The following ATP13A4 variants were observed in gnomAD, a reference collection of about 807,000 sequenced individuals.
ATP13A4 encodes the protein ATPase 13A4.
ATP13A4 carries 114 observed loss-of-function variants against 142.5 expected under a neutral mutation model. The observed-to-expected ratio is 0.80, with a 90% CI of 0.69 to 0.93. The LOEUF is 0.93. Among genes scored for constraint, ATP13A4 ranks in the 40% least tolerant of loss-of-function variants. ATP13A4 has a pLI of 0.00. For missense variants in ATP13A4, 1,392 were observed against 1,454.0 expected, an observed-to-expected ratio of 0.96 and a Z score of 0.69; for synonymous variants, 488 against 514.8, an observed-to-expected ratio of 0.95 and a Z score of 0.70.
At chr3:193,457,554 C>A in intron 14 of ATP13A4, 89 bp from the exon 15 acceptor site, 1 of 1,151,746 alleles carries the variant, frequency 8.7e-7, no homozygotes, top group South Asian at 1.2e-5. Flanking sequence ...TGAGAAGATC[C>A]TCAGACCACC....
chr3:193,495,983 AT>A (rs780854047), intron 3 of ATP13A4, among the ~76,000 whole-genome samples: 6 of 152,224 alleles, frequency 3.9e-5, no homozygotes, highest in Non-Finnish European at 8.8e-5. Flanking sequence ...CTACAAAAAA[AT>A]AATAAAATAC....
chr3:193,540,527 CAAAAAAAAAAAAAAAAA>C (rs11360543), intron 1 of ATP13A4, among the ~76,000 whole-genome samples: 2 of 44,782 alleles, frequency 4.5e-5, no homozygotes, highest in South Asian at 1.4e-3. Flanking sequence ...GGCTCTCTGC[CAAAAAAAAAAAAAAAAA>C]AAAAAAAAAA....
intron 2 of ATP13A4, among the ~76,000 whole-genome samples, chr3:193,561,115 A>G (rs1724008279): frequency 6.6e-6 from 1 of 152,248 alleles, no homozygotes; most frequent in South Asian, 2.1e-4. Context: ...ACTTAGGAAC[A>G]GTAGTACCCA....
At chr3:193,429,621 G>T (rs983487961) in intron 25 of ATP13A4, among the ~76,000 whole-genome samples, 2 of 151,996 alleles carry the variant, frequency 1.3e-5, no homozygotes, top group African/African-American at 4.8e-5. Context: ...GGGTTGGAGG[G>T]AGAAAGGATG....
chr3:193,565,521 C>T (rs1460881062), intron 2 of ATP13A4, among the ~76,000 whole-genome samples: 2 of 152,170 alleles, frequency 1.3e-5, no homozygotes, highest in Non-Finnish European at 2.9e-5. Context: ...CACAATCAAC[C>T]TCTGGCAACC....
intron 9 of ATP13A4, among the ~76,000 whole-genome samples, chr3:193,468,454 G>C (rs1188398815): frequency 6.6e-6 from 1 of 152,078 alleles, no homozygotes; most frequent in Non-Finnish European, 1.5e-5. Flanking sequence ...CTGCATTCAG[G>C]AAACAAGGAA....
intron 2 of ATP13A4, among the ~76,000 whole-genome samples, chr3:193,510,295 T>C (rs924844803): frequency 2.0e-5 from 3 of 152,176 alleles, no homozygotes; most frequent in African/African-American, 7.2e-5. Context: ...CATCTTTAAT[T>C]GAAACTGAAG....
chr3:193,569,336 G>C (rs1724208512), intron 2 of ATP13A4, among the ~76,000 whole-genome samples: 1 of 152,140 alleles, frequency 6.6e-6, no homozygotes, highest in Admixed American at 6.5e-5. Context: ...AACAAAAGAA[G>C]TTTGAGAAAC....
intron 28 of ATP13A4, 111 bp from the exon 29 acceptor site, chr3:193,407,504 A>G (rs1385317200): frequency 1.4e-6 from 1 of 738,244 alleles, no homozygotes. Flanking sequence ...TATGTAATAT[A>G]TATGTGTGTA....
intron 22 of ATP13A4, 47 bp from the exon 23 acceptor site, chr3:193,438,631 C>T (rs751430609): frequency 6.7e-7 from 1 of 1,502,538 alleles, no homozygotes; most frequent in Non-Finnish European, 9.3e-7. Context: ...TCACGTACGT[C>T]TCTACTAAAG....
chr3:193,462,761 C>T lies in ATP13A4; in HGVS notation c.1523+1G>A. 6.2e-7 allele frequency: 1 copy of T among 1,613,340 alleles called. No individual in the cohort carries two copies. Among genetic ancestry groups the T allele is most frequent in the Non-Finnish European group, 8.5e-7 (1 of 1,179,302 alleles). Reference sequence around the variant, plus strand: ...TTAGTCCAAGAGTCCAAGGTACTCACCCATTCCTATCACAGGACACGACTC... The same window carrying T: ...TTAGTCCAAGAGTCCAAGGTACTCATCCATTCCTATCACAGGACACGACTC... On this transcript the variant is annotated splice_donor_variant, in intron 13 of 29. Coordinates refer to ENST00000342695, the MANE Select transcript of ATP13A4 (RefSeq NM_032279.4). LOFTEE classifies it high-confidence loss of function.
upstream of ATP13A4, among the ~76,000 whole-genome samples, chr3:193,555,796 T>G (rs1019540735): frequency 4.6e-5 from 7 of 152,168 alleles, no homozygotes; most frequent in Admixed American, 6.5e-5. Context: ...CAATGTGGTG[T>G]AGAGAAACAC....
At chr3:193,421,853 A>G (rs970411023) in intron 25 of ATP13A4, among the ~76,000 whole-genome samples, 1 of 149,912 alleles carries the variant, frequency 6.7e-6, no homozygotes, top group Non-Finnish European at 1.5e-5. Context: ...CCACCAAATC[A>G]AAGAGATAAA....
At position 193,400,810 on chromosome 3, in the gene ATP13A4, G is replaced by A. The variant is rs1403575273; in HGVS notation, c.*1842C>T. ...TGCAGGCTGATCTTGCTCATGACTA[G>A]GTCACAGACCATCTCTAGCTTGCCC... On this transcript the variant is annotated 3_prime_UTR_variant, in exon 30 of 30. Transcript: ENST00000342695. Among the ~76,000 whole-genome samples the A allele has an allele frequency of 6.6e-6, 1 of 152,148 alleles. No homozygotes were observed. Among genetic ancestry groups the A allele is most frequent in the Non-Finnish European group, 1.5e-5 (1 of 68,036 alleles).
In ATP13A4 at chr3:193,400,368, C is replaced by T. The variant is rs891201184; in HGVS notation, c.*2284G>A. On this transcript the variant is annotated 3_prime_UTR_variant, in exon 30 of 30. Coordinates refer to ENST00000342695, the MANE Select transcript of ATP13A4 (RefSeq NM_032279.4). ...TGCTAGTGATAGAATCACTTAGGAT[C>T]AAGGCAAGAGCAACTCAAAGTCTCA... Among the ~76,000 whole-genome samples, 1 of 152,216 alleles carries T rather than the reference C, an allele frequency of 6.6e-6. No homozygotes were observed. Among genetic ancestry groups the T allele is most frequent in the Non-Finnish European group, 1.5e-5 (1 of 68,042 alleles).
At chr3:193,456,068 G>A (rs1468883909) in intron 16 of ATP13A4, among the ~76,000 whole-genome samples, 2 of 152,020 alleles carry the variant, frequency 1.3e-5, no homozygotes, top group African/African-American at 2.4e-5. Flanking sequence ...TAACGAATGG[G>A]TACTAGGCTT....
chr3:193,479,666 C>T (rs1212480386), intron 8 of ATP13A4, among the ~76,000 whole-genome samples: 1 of 152,072 alleles, frequency 6.6e-6, no homozygotes, highest in Non-Finnish European at 1.5e-5. Flanking sequence ...TGGGTAGAAT[C>T]AATATTGTAA....
intron 1 of ATP13A4, among the ~76,000 whole-genome samples, chr3:193,541,400 C>T (rs1163994157): frequency 8.7e-6 from 1 of 115,370 alleles, no homozygotes; most frequent in African/African-American, 2.9e-5. Flanking sequence ...CTGTGATTAT[C>T]GATCACAGAT....
rs546963025 is a variant in ATP13A4 at position 193,528,714 on chromosome 3, G to A, written c.61-13843C>T. Among the ~76,000 whole-genome samples, 21 of 152,142 alleles carry A rather than the reference G, an allele frequency of 1.4e-4. No individual in the cohort carries two copies. The Middle Eastern group carries it at 0.02, about 148-fold the overall frequency. ...TCTTATTACTACAGAAGCAATGCAT[G>A]CACATTTTACTAATCAGAAAATAAA... On this transcript the variant is annotated intron_variant, in intron 1 of 29. Transcript: ENST00000342695.
Sources: allele counts gnomAD v4.1 joint callset (sites outside exome capture counted in the v4.1 genomes callset), GRCh38; gene constraint gnomAD v4.1.1; transcripts MANE v1.5; gene names NCBI Gene and HGNC (gene_info 2026-07-23, HGNC 2026-07-21).